TBL1X: variants seen among roughly 807,000 people sequenced by gnomAD.
The protein encoded by TBL1X is F-box-like/WD repeat-containing protein TBL1X.
A neutral mutation model predicts 50.7 loss-of-function variants in TBL1X; 10 were observed. The ratio of observed to expected loss-of-function variants is 0.20; its 90% confidence interval spans 0.12 to 0.33. The LOEUF (loss-of-function observed/expected upper bound fraction) is 0.33. Among genes scored for constraint, TBL1X ranks in the 10% least tolerant of loss-of-function variants. The pLI is 1.00. For missense variants in TBL1X, 340 were observed against 504.4 expected, an observed-to-expected ratio of 0.67 and a Z score of 3.12; for synonymous variants, 190 against 214.7, an observed-to-expected ratio of 0.88 and a Z score of 1.01.
chrX:9,586,814 C>T (rs960867885), intron 2 of TBL1X, among the ~76,000 whole-genome samples: 3 of 111,444 alleles, frequency 2.7e-5, no homozygotes, highest in Non-Finnish European at 5.7e-5. Context: ...GCAGGAGGAT[C>T]GTTTGAGCCC....
At chrX:9,686,259 T>C (rs187841231) in intron 6 of TBL1X, among the ~76,000 whole-genome samples, 1 of 111,779 alleles carries the variant, frequency 8.9e-6, no homozygotes, top group East Asian at 2.8e-4. Flanking sequence ...TCAAGGCGCC[T>C]GTGACTCTGT....
At chrX:9,466,636 G>A (rs2081776970) in intron 1 of TBL1X, among the ~76,000 whole-genome samples, 1 of 112,494 alleles carries the variant, frequency 8.9e-6, no homozygotes, top group Non-Finnish European at 1.9e-5. Context: ...GGTTTAACCT[G>A]GAAGGCGAGG....
At chrX:9,518,719 T>C (rs904266764) in intron 2 of TBL1X, among the ~76,000 whole-genome samples, 3 of 111,039 alleles carry the variant, frequency 2.7e-5, no homozygotes, top group Non-Finnish European at 3.8e-5. Context: ...ATGGCCTTTT[T>C]CTGTATCCTC....
At chrX:9,694,528 A>T (rs1357554207) in intron 11 of TBL1X, among the ~76,000 whole-genome samples, 1 of 111,512 alleles carries the variant, frequency 9.0e-6, no homozygotes, top group Non-Finnish European at 1.9e-5. Flanking sequence ...AGCGAGGCAG[A>T]GGAGGTTGCA....
At chrX:9,484,939 A>G (rs2081903390) in intron 1 of TBL1X, among the ~76,000 whole-genome samples, 1 of 107,974 alleles carries the variant, frequency 9.3e-6, no homozygotes, top group South Asian at 4.1e-4. Flanking sequence ...AAAAAAAAAA[A>G]AATTAGCCAG....
intron 2 of TBL1X, among the ~76,000 whole-genome samples, chrX:9,628,759 G>A (rs190267445): frequency 9.0e-6 from 1 of 111,632 alleles, no homozygotes; most frequent in Admixed American, 9.5e-5. Context: ...TGTTGGCCAG[G>A]CTGGTCTCAA....
intron 15 of TBL1X, among the ~76,000 whole-genome samples, chrX:9,711,290 C>G (rs2083244929): frequency 9.5e-6 from 1 of 105,601 alleles, no homozygotes; most frequent in Non-Finnish European, 1.9e-5. Context: ...TGCAGTGAGT[C>G]ATGATCACGC....
chrX:9,574,010 A>T lies in TBL1X; in HGVS notation c.-130-66263A>T, dbSNP rs2082398110. ...GCCCAGTATATTCAATGCCGGCATC[A>T]CTACTTCATGGGAAAGGATGCAGCG... On this transcript the variant is annotated intron_variant, in intron 2 of 17. Transcript: ENST00000645353. Among the ~76,000 whole-genome samples, 4 of 112,184 alleles carry T rather than the reference A, an allele frequency of 3.6e-5. No homozygotes were observed. The South Asian group carries it at 1.5e-3, about 41-fold the overall frequency.
intron 2 of TBL1X, among the ~76,000 whole-genome samples, chrX:9,558,510 T>TC (rs986787805): frequency 1.9e-5 from 2 of 104,722 alleles, no homozygotes; most frequent in African/African-American, 3.5e-5. Flanking sequence ...AGAGCGAAAC[T>TC]CCATCTCAAA....
At chrX:9,696,688 G>A (rs1178583708) in intron 11 of TBL1X, among the ~76,000 whole-genome samples, 2 of 112,549 alleles carry the variant, frequency 1.8e-5, no homozygotes, top group East Asian at 2.8e-4. Context: ...AGAAATGCTC[G>A]TCTCTGCAGC....
At chrX:9,703,714 G>T (rs1029542405) in intron 12 of TBL1X, among the ~76,000 whole-genome samples, 1 of 112,210 alleles carries the variant, frequency 8.9e-6, no homozygotes, top group African/African-American at 3.2e-5. Flanking sequence ...GGGCACTGCT[G>T]ATCTCCTGAG....
At chrX:9,465,824 A>C (rs1288765139) in intron 1 of TBL1X, among the ~76,000 whole-genome samples, 2 of 112,528 alleles carry the variant, frequency 1.8e-5, no homozygotes, top group Non-Finnish European at 3.8e-5. Flanking sequence ...TTGCTGGGCA[A>C]ACCTGCGCCA....
chrX:9,468,013 A>T, intron 1 of TBL1X, among the ~76,000 whole-genome samples: 1 of 112,525 alleles, frequency 8.9e-6, no homozygotes, highest in Non-Finnish European at 1.9e-5. Flanking sequence ...ATCGCCATCC[A>T]GTATTTAGGG....
intron 13 of TBL1X, among the ~76,000 whole-genome samples, chrX:9,705,723 T>TAAAAAAAA (rs34666783): frequency 1.3e-5 from 1 of 78,244 alleles, no homozygotes; most frequent in African/African-American, 4.8e-5. Context: ...CTTGTCTCTT[T>TAAAAAAAA]AAAAAAAAAA....
chrX:9,585,328 A>ACCCCCCCCCCCCCCCCCCCCCCCC, intron 2 of TBL1X, among the ~76,000 whole-genome samples: 1 of 54,648 alleles, frequency 1.8e-5, no homozygotes, highest in Admixed American at 2.2e-4. Context: ...GCTCCATGCC[A>ACCCCCCCCCCCCCCCCCCCCCCCC]CCCCCCTCCC....
intron 2 of TBL1X, among the ~76,000 whole-genome samples, chrX:9,574,843 C>A (rs1161017541): frequency 2.7e-5 from 3 of 111,810 alleles, no homozygotes; most frequent in Non-Finnish European, 5.6e-5. Flanking sequence ...CCACTTTAGC[C>A]AAAGCAGTTT....
intron 2 of TBL1X, among the ~76,000 whole-genome samples, chrX:9,557,056 C>T (rs1243260374): frequency 3.6e-5 from 4 of 112,064 alleles, no homozygotes; most frequent in Non-Finnish European, 7.5e-5. Context: ...AGCCTTCATT[C>T]CTCCCTGCCA....
At chrX:9,537,548 T>C (rs1170174292) in intron 2 of TBL1X, among the ~76,000 whole-genome samples, 3 of 111,838 alleles carry the variant, frequency 2.7e-5, no homozygotes, top group Admixed American at 9.5e-5. Flanking sequence ...TTTGACACTC[T>C]AGGGACCTTT....
chrX:9,570,560 C>T (rs2082379706), intron 2 of TBL1X, among the ~76,000 whole-genome samples: 2 of 111,793 alleles, frequency 1.8e-5, no homozygotes, highest in Non-Finnish European at 3.8e-5. Context: ...AGAATTCTTC[C>T]ATTTCTGACA....
Sources: allele counts gnomAD v4.1 joint callset (sites outside exome capture counted in the v4.1 genomes callset), GRCh38; gene constraint gnomAD v4.1.1; transcripts MANE v1.5; gene names NCBI Gene and HGNC (gene_info 2026-07-23, HGNC 2026-07-21).